Variants in CNTLN observed in about 807,000 individuals in gnomAD.
CNTLN encodes centlein.
CNTLN carries 212 observed loss-of-function variants against 180.0 expected under a neutral mutation model. The ratio of observed to expected loss-of-function variants is 1.18; its 90% CI spans 1.05 to 1.32. The LOEUF (loss-of-function observed/expected upper bound fraction) is 1.32. Ranked by LOEUF, CNTLN falls within the 40% of genes most tolerant of loss-of-function variation. The pLI is 0.00. For missense variants in CNTLN, 2,095 were observed against 1,610.9 expected (o/e 1.30, Z -5.14); for synonymous variants, 722 against 563.1 (o/e 1.28, Z -3.99).
intron 12 of CNTLN, among the ~76,000 whole-genome samples, chr9:17,350,685 C>T (rs544096436): frequency 1.6e-3 from 240 of 152,236 alleles, no homozygotes; most frequent in Non-Finnish European, 1.3e-3. Context: ...GATGAGGGCT[C>T]TCTTCCTGGC....
intron 3 of CNTLN, among the ~76,000 whole-genome samples, chr9:17,229,394 A>G (rs1023191955): frequency 5.9e-5 from 9 of 152,102 alleles, no homozygotes; most frequent in African/African-American, 2.2e-4. Context: ...GAAATGTGAC[A>G]TTATGGGGTG....
At chr9:17,223,615 A>C (rs756647584) in intron 2 of CNTLN, among the ~76,000 whole-genome samples, 4 of 152,072 alleles carry the variant, frequency 2.6e-5, no homozygotes, top group African/African-American at 9.7e-5. Context: ...ATGCCACTGC[A>C]TCTGCCTATC....
At chr9:17,271,998 T>C (rs1233071079) in intron 5 of CNTLN, among the ~76,000 whole-genome samples, 1 of 152,120 alleles carries the variant, frequency 6.6e-6, no homozygotes, top group African/African-American at 2.4e-5. Flanking sequence ...ATTTGCATTT[T>C]GCTAGGATAG....
At chr9:17,135,589 C>T (rs568795320) in intron 1 of CNTLN, among the ~76,000 whole-genome samples, 164 bp downstream of exon 1, 1 of 152,180 alleles carries the variant, frequency 6.6e-6, no homozygotes, top group Non-Finnish European at 1.5e-5. Context: ...AGGGACGCGG[C>T]TGCGCCCGGC....
At chr9:17,528,168 G>A in the CNTLN span, among the ~76,000 whole-genome samples, 1,381 of 152,282 alleles carry the variant, frequency 9.1e-3, 22 homozygotes, top group African/African-American at 0.029. Context: ...TTATGTGTGG[G>A]CTGCATGTAG....
Position 17,211,361 on chromosome 9 carries a change from G to C in CNTLN, c.450-14842G>C, listed in dbSNP as rs558847790. Among the ~76,000 whole-genome samples the C allele has an allele frequency of 3.3e-5, 5 of 152,244 alleles. No individual in the cohort carries two copies. The East Asian group carries it at 9.6e-4, about 29-fold the overall frequency. On this transcript the variant is annotated intron_variant, in intron 2 of 25. Coordinates refer to ENST00000380647, the MANE Select transcript of CNTLN (RefSeq NM_017738.4). ...TGTCAGGTTTGTCAAAGATCAGTTG[G>C]TTGTAGATGTGTGGTATTATTTCTG...
intron 2 of CNTLN, among the ~76,000 whole-genome samples, chr9:17,169,383 C>G (rs7856550): frequency 0.013 from 2,017 of 152,232 alleles, 46 homozygotes; most frequent in African/African-American, 0.047. Context: ...CTCCAGATAT[C>G]CTTGGTACAT....
chr9:17,159,440 A>G (rs1416617137), intron 2 of CNTLN, among the ~76,000 whole-genome samples: 1 of 152,158 alleles, frequency 6.6e-6, no homozygotes, highest in Non-Finnish European at 1.5e-5. Flanking sequence ...GCAGCAGCCT[A>G]AGGTTCTCTT....
At chr9:17,350,083 T>C (rs1822235220) in intron 12 of CNTLN, among the ~76,000 whole-genome samples, 1 of 152,224 alleles carries the variant, frequency 6.6e-6, no homozygotes, top group Non-Finnish European at 1.5e-5. Flanking sequence ...CAGTCCAACA[T>C]ATGTTAACAT....
At chr9:17,327,426 C>T (rs1253073431) in intron 8 of CNTLN, among the ~76,000 whole-genome samples, 1 of 150,956 alleles carries the variant, frequency 6.6e-6, no homozygotes, top group African/African-American at 2.4e-5. Flanking sequence ...CCTCGTGATC[C>T]GCTCTTCTCG....
intron 18 of CNTLN, among the ~76,000 whole-genome samples, chr9:17,434,039 T>G (rs1829603230): frequency 6.6e-6 from 1 of 152,182 alleles, no homozygotes; most frequent in Admixed American, 6.5e-5. Flanking sequence ...GGGGGTAAAC[T>G]CTACTTAATG....
At chr9:17,326,119 C>G (rs762836888) in intron 8 of CNTLN, among the ~76,000 whole-genome samples, 62 of 152,082 alleles carry the variant, frequency 4.1e-4, no homozygotes, top group Admixed American at 8.5e-4. Context: ...CTCTGTGAGT[C>G]AGTGTGAAAA....
At chr9:17,210,310 G>A (rs547474320) in intron 2 of CNTLN, among the ~76,000 whole-genome samples, 34 of 152,224 alleles carry the variant, frequency 2.2e-4, no homozygotes, top group Middle Eastern at 3.4e-3. Context: ...GAGAACATGC[G>A]GTGTTTGGTT....
the CNTLN span, among the ~76,000 whole-genome samples, chr9:17,519,073 C>T: frequency 7.4e-6 from 1 of 134,712 alleles, no homozygotes; most frequent in Non-Finnish European, 1.5e-5. Flanking sequence ...CAGGTGTGTG[C>T]TACCAGGCCT....
At chr9:17,502,110 T>C (rs1008129880) in intron 25 of CNTLN, among the ~76,000 whole-genome samples, 2 of 152,218 alleles carry the variant, frequency 1.3e-5, no homozygotes, top group African/African-American at 4.8e-5. Flanking sequence ...TCTACAATTC[T>C]TGAGATTTTC....
chr9:17,455,502 G>C (rs1831058038), intron 18 of CNTLN, among the ~76,000 whole-genome samples: 1 of 152,162 alleles, frequency 6.6e-6, no homozygotes, highest in Non-Finnish European at 1.5e-5. Context: ...TACATTTATA[G>C]TGTCAGGATC....
chr9:17,214,895 C>T (rs1823621479), intron 2 of CNTLN, among the ~76,000 whole-genome samples: 1 of 152,194 alleles, frequency 6.6e-6, no homozygotes, highest in Non-Finnish European at 1.5e-5. Flanking sequence ...CCATGGTTTT[C>T]AGCTCCATCA....
At chr9:17,430,998 ATGC>A (rs1410523837) in intron 18 of CNTLN, among the ~76,000 whole-genome samples, 1 of 152,084 alleles carries the variant, frequency 6.6e-6, no homozygotes, top group Non-Finnish European at 1.5e-5. Context: ...GTTGTGAATA[ATGC>A]TGCAGTAAAC....
At chr9:17,518,018 T>TTTTTTC in the CNTLN span, among the ~76,000 whole-genome samples, 1 of 147,976 alleles carries the variant, frequency 6.8e-6, no homozygotes, top group Admixed American at 7.0e-5. Flanking sequence ...CCATAAAGTT[T>TTTTTTC]TTTTTCTTTT....
Sources: gnomAD v4.1 joint callset for allele counts (sites outside exome capture counted in the v4.1 genomes callset) on GRCh38, gnomAD v4.1.1 for gene constraint, MANE v1.5 for transcripts, NCBI Gene and HGNC (gene_info 2026-07-23, HGNC 2026-07-21) for gene names.